RPH3A: variants seen among roughly 807,000 people sequenced by gnomAD.
The protein encoded by RPH3A is rabphilin-3A.
A neutral mutation model predicts 102.2 loss-of-function variants in RPH3A; 48 were observed. The observed-to-expected ratio is 0.47, with a 90% CI of 0.37 to 0.60. The LOEUF is 0.60. Among genes scored for constraint, RPH3A ranks in the 20% least tolerant of loss-of-function variants. The pLI, the probability that RPH3A is intolerant of heterozygous loss-of-function variation, is 0.00. For missense variants in RPH3A, 781 were observed against 910.1 expected (o/e 0.86, Z 1.83); for synonymous variants, 310 against 324.3 (o/e 0.96, Z 0.47).
chr12:112,742,560 G>A (rs977707636), intron 1 of RPH3A, among the ~76,000 whole-genome samples: 2 of 152,192 alleles, frequency 1.3e-5, no homozygotes, highest in African/African-American at 2.4e-5. Flanking sequence ...GTTATTTGAG[G>A]AGAATTTAAC....
intron 1 of RPH3A, among the ~76,000 whole-genome samples, chr12:112,784,475 C>T (rs145483369): frequency 1.3e-5 from 2 of 152,268 alleles, no homozygotes; most frequent in Non-Finnish European, 2.9e-5. Context: ...GAACTATGGT[C>T]GTATCTCATT....
intron 5 of RPH3A, among the ~76,000 whole-genome samples, chr12:112,851,810 T>C (rs1267232044): frequency 6.6e-6 from 1 of 152,192 alleles, no homozygotes; most frequent in Non-Finnish European, 1.5e-5. Flanking sequence ...ACATTTCTTA[T>C]ATAAGTGCCA....
intron 2 of RPH3A, among the ~76,000 whole-genome samples, chr12:112,825,507 T>A (rs2041851641): frequency 6.6e-6 from 1 of 152,000 alleles, no homozygotes; most frequent in Non-Finnish European, 1.5e-5. Flanking sequence ...TTAAAATAAT[T>A]ACTGCAATCT....
chr12:112,826,767 G>C lies in RPH3A; in HGVS notation c.-18-1534G>C, dbSNP rs913946904. On this transcript the variant is annotated intron_variant, in intron 2 of 21. Coordinates refer to ENST00000389385, the MANE Select transcript of RPH3A (RefSeq NM_001143854.2). ...CCATGGTGTTACATGCGCTGTATCA[G>C]AAGCTTGTCTGTCATTGCTCACCAG... 2.0e-5 allele frequency among the ~76,000 whole-genome samples: 3 copies of C among 152,288 alleles called. No individual in the cohort carries two copies. In the East Asian group the frequency reaches 5.8e-4, roughly 29 times the overall value.
intron 1 of RPH3A, among the ~76,000 whole-genome samples, chr12:112,600,981 A>T (rs755601815): frequency 1.3e-5 from 2 of 152,186 alleles, no homozygotes; most frequent in Non-Finnish European, 2.9e-5. Flanking sequence ...GGGAAATGCC[A>T]GATGCTTATA....
intron 1 of RPH3A, among the ~76,000 whole-genome samples, chr12:112,594,513 T>C (rs982885184): frequency 1.3e-5 from 2 of 152,180 alleles, no homozygotes; most frequent in African/African-American, 4.8e-5. Flanking sequence ...CCTCCCTCCA[T>C]TTATTCATTC....
intron 16 of RPH3A, among the ~76,000 whole-genome samples, chr12:112,884,874 T>C (rs1019922441): frequency 6.6e-6 from 1 of 152,248 alleles, no homozygotes; most frequent in Non-Finnish European, 1.5e-5. Flanking sequence ...TGGCCCCTTC[T>C]TATTGAATGC....
chr12:112,690,885 A>AT (rs1382497425), intron 1 of RPH3A, among the ~76,000 whole-genome samples: 1 of 147,376 alleles, frequency 6.8e-6, no homozygotes, highest in Non-Finnish European at 1.5e-5. Flanking sequence ...TTCCAAAAGC[A>AT]TGGGGGGGAT....
At chr12:112,873,347 A>G (rs1190606733) in intron 10 of RPH3A, among the ~76,000 whole-genome samples, 1 of 152,218 alleles carries the variant, frequency 6.6e-6, no homozygotes. Flanking sequence ...TGTTTAACCC[A>G]GGCAGTTCAC....
At position 112,890,023 on chromosome 12, in the gene RPH3A, G is replaced by C; in HGVS notation, c.1564-1G>C. ...TCTTTTATTTGTTTTCTTCTTTTAA[G>C]ATGAAACGTGCTGGGACCACCGGGT... On this transcript the variant is annotated splice_acceptor_variant, in intron 17 of 21. Coordinates refer to ENST00000389385, the MANE Select transcript of RPH3A (RefSeq NM_001143854.2). LOFTEE classifies it high-confidence loss of function. The C allele has an allele frequency of 3.1e-6, 5 of 1,613,454 alleles. No homozygotes were observed. Among genetic ancestry groups the C allele is most frequent in the Non-Finnish European group, 3.4e-6 (4 of 1,179,930 alleles).
intron 14 of RPH3A, among the ~76,000 whole-genome samples, chr12:112,879,602 G>A (rs958753800): frequency 6.6e-6 from 1 of 152,216 alleles, no homozygotes; most frequent in African/African-American, 2.4e-5. Flanking sequence ...CTGCTGAAGC[G>A]GCTGTCACTC....
chr12:112,596,069 G>A (rs2039514298), intron 1 of RPH3A, among the ~76,000 whole-genome samples: 1 of 152,150 alleles, frequency 6.6e-6, no homozygotes, highest in African/African-American at 2.4e-5. Context: ...GACGAAGGGT[G>A]GGTTCTCAAA....
At chr12:112,823,010 C>T (rs1460220689) in intron 2 of RPH3A, among the ~76,000 whole-genome samples, 5 of 152,170 alleles carry the variant, frequency 3.3e-5, no homozygotes, top group Non-Finnish European at 7.4e-5. Context: ...TCATTTTATG[C>T]TTTTGAAGTT....
chr12:112,709,469 G>C (rs1403124000), intron 1 of RPH3A, among the ~76,000 whole-genome samples: 2 of 151,652 alleles, frequency 1.3e-5, no homozygotes, highest in African/African-American at 2.4e-5. Flanking sequence ...AGGATCACTT[G>C]AGCCTGGGAG....
intron 1 of RPH3A, among the ~76,000 whole-genome samples, chr12:112,775,792 AGG>A (rs768195928): frequency 6.6e-6 from 1 of 152,178 alleles, no homozygotes; most frequent in Non-Finnish European, 1.5e-5. Flanking sequence ...CAGTGGTGGT[AGG>A]GGGAAATCCA....
intron 1 of RPH3A, among the ~76,000 whole-genome samples, chr12:112,628,568 C>CAAAAAAA (rs771688201): frequency 3.7e-4 from 10 of 27,048 alleles, no homozygotes; most frequent in Non-Finnish European, 5.3e-4. Flanking sequence ...GTCTTTACCA[C>CAAAAAAA]AAAAAAAAAA....
Position 112,859,580 on chromosome 12 carries a change from A to C in RPH3A, c.231-5834A>C, listed in dbSNP as rs2042473310. Among the ~76,000 whole-genome samples, 3 of 152,278 alleles carry C rather than the reference A, an allele frequency of 2.0e-5. No individual in the cohort carries two copies. In the South Asian group the frequency reaches 6.2e-4, roughly 32 times the overall value. ...TGCACACAATGGAGATATTCAGGTG[A>C]GCATGTTTCAAACCCAAACTCACAC... On this transcript the variant is annotated intron_variant, in intron 5 of 21. Coordinates refer to ENST00000389385, the MANE Select transcript of RPH3A (RefSeq NM_001143854.2).
intron 2 of RPH3A, among the ~76,000 whole-genome samples, chr12:112,794,672 T>C (rs571452599): frequency 1.3e-5 from 2 of 152,274 alleles, no homozygotes; most frequent in Non-Finnish European, 2.9e-5. Context: ...ATAATGCCCA[T>C]GTGAGCACCC....
In RPH3A at chr12:112,800,968, C is replaced by T. The variant is rs1447128155; in HGVS notation, c.-19+8705C>T. On this transcript the variant is annotated intron_variant, in intron 2 of 21. Transcript: ENST00000389385. Reference sequence around the variant, plus strand: ...CTCTCCCCGGAAGAAAAGGCAGCAGCGTGGGTTTTTTGTTTTTTTTTCTTT... The same window carrying T: ...CTCTCCCCGGAAGAAAAGGCAGCAGTGTGGGTTTTTTGTTTTTTTTTCTTT... Among the ~76,000 whole-genome samples, 4 of 152,232 alleles carry T rather than the reference C, an allele frequency of 2.6e-5. No homozygotes were observed. The East Asian group carries it at 7.7e-4, about 29-fold the overall frequency.
Sources: gnomAD v4.1 joint callset for allele counts (sites outside exome capture counted in the v4.1 genomes callset) on GRCh38, gnomAD v4.1.1 for gene constraint, MANE v1.5 for transcripts, NCBI Gene and HGNC (gene_info 2026-07-23, HGNC 2026-07-21) for gene names.